GLIS3: variants seen among roughly 807,000 people sequenced by gnomAD.
GLIS3 encodes the protein zinc finger protein GLIS3.
GLIS3 carries 53 observed loss-of-function variants against 78.6 expected under a neutral mutation model. The observed-to-expected ratio is 0.67, with a 90% CI of 0.54 to 0.85. The LOEUF (loss-of-function observed/expected upper bound fraction) is 0.85. Ranked by LOEUF, GLIS3 falls within the 40% of genes least tolerant of loss-of-function variation. The probability of loss-of-function intolerance (pLI) is 0.00; values close to 1 mark genes in which losing one functional copy is unlikely to be tolerated. For missense variants in GLIS3, 1,703 were observed against 1,231.1 expected (o/e 1.38, Z -5.74); for synonymous variants, 684 against 509.9 (o/e 1.34, Z -4.60).
At chr9:4,174,133 G>A (rs528578667) in intron 2 of GLIS3, among the ~76,000 whole-genome samples, 52 of 152,182 alleles carry the variant, frequency 3.4e-4, no homozygotes, top group African/African-American at 1.2e-3. Flanking sequence ...AGGAGAAAAA[G>A]CAATTAAAAT....
intron 2 of GLIS3, among the ~76,000 whole-genome samples, chr9:4,189,970 G>A (rs899951699): frequency 6.6e-6 from 1 of 152,060 alleles, no homozygotes; most frequent in East Asian, 1.9e-4. Context: ...GCAGCTGAGG[G>A]TCCTGTCTGT....
chr9:4,167,479 G>C (rs945475408), intron 2 of GLIS3, among the ~76,000 whole-genome samples: 4 of 152,164 alleles, frequency 2.6e-5, no homozygotes, highest in African/African-American at 9.7e-5. Context: ...TGTGAGTCTA[G>C]CAGGCTCTGA....
At chr9:4,146,836 A>G (rs1435369232) in intron 2 of GLIS3, among the ~76,000 whole-genome samples, 1 of 152,204 alleles carries the variant, frequency 6.6e-6, no homozygotes, top group Non-Finnish European at 1.5e-5. Flanking sequence ...ATGCTACAAG[A>G]GCTATTCATT....
At chr9:4,400,076 G>C in the GLIS3 span, among the ~76,000 whole-genome samples, 1 of 152,196 alleles carries the variant, frequency 6.6e-6, no homozygotes, top group Admixed American at 6.5e-5. Context: ...GCCATGTAAC[G>C]AGTTTGCTCC....
intron 1 of GLIS3, among the ~76,000 whole-genome samples, chr9:4,289,719 G>C (rs1425350545): frequency 6.6e-6 from 1 of 152,092 alleles, no homozygotes; most frequent in Non-Finnish European, 1.5e-5. Context: ...TATAAATTAG[G>C]ATATTTTGGA....
At chr9:4,222,796 G>A (rs1384766332) in intron 2 of GLIS3, among the ~76,000 whole-genome samples, 1 of 152,188 alleles carries the variant, frequency 6.6e-6, no homozygotes, top group Non-Finnish European at 1.5e-5. Context: ...TTTAGCAAGT[G>A]CATATGTTTG....
chr9:4,181,948 T>C (rs750251850), intron 2 of GLIS3, among the ~76,000 whole-genome samples: 29 of 152,166 alleles, frequency 1.9e-4, no homozygotes, highest in Non-Finnish European at 3.1e-4. Context: ...ACCCACAGAA[T>C]TGTGAGAAAT....
At chr9:4,073,631 A>G (rs1205184896) in intron 4 of GLIS3, among the ~76,000 whole-genome samples, 3 of 152,074 alleles carry the variant, frequency 2.0e-5, no homozygotes, top group Non-Finnish European at 4.4e-5. Flanking sequence ...TTGCTGTCCT[A>G]TCATATTTCT....
chr9:4,414,614 G>A, the GLIS3 span, among the ~76,000 whole-genome samples: 2 of 152,080 alleles, frequency 1.3e-5, no homozygotes, highest in African/African-American at 4.8e-5. Flanking sequence ...AGACTTTTCA[G>A]AACTTTTTTG....
intron 4 of GLIS3, among the ~76,000 whole-genome samples, chr9:3,987,827 G>C (rs1329604631): frequency 2.4e-5 from 2 of 82,268 alleles, no homozygotes; most frequent in African/African-American, 4.8e-5. Flanking sequence ...AAAAAACAGT[G>C]AATCCAAACC....
intron 4 of GLIS3, among the ~76,000 whole-genome samples, chr9:4,014,343 T>A (rs1367686932): frequency 6.6e-6 from 1 of 152,174 alleles, no homozygotes; most frequent in African/African-American, 2.4e-5. Context: ...CCAAAGTTCA[T>A]GTCTACTGGG....
intron 2 of GLIS3, among the ~76,000 whole-genome samples, chr9:4,203,160 C>G (rs914473795): frequency 6.6e-6 from 1 of 152,110 alleles, no homozygotes; most frequent in East Asian, 1.9e-4. Flanking sequence ...AAAAAATGGG[C>G]ACAAAACATG....
At chr9:4,036,288 A>C (rs1824299589) in intron 4 of GLIS3, among the ~76,000 whole-genome samples, 1 of 151,148 alleles carries the variant, frequency 6.6e-6, no homozygotes, top group Non-Finnish European at 1.5e-5. Context: ...TTTTTCTCTC[A>C]GGCCTTGCCC....
chr9:4,296,349 G>A (rs1338439060), intron 1 of GLIS3, among the ~76,000 whole-genome samples: 1 of 151,136 alleles, frequency 6.6e-6, no homozygotes, highest in African/African-American at 2.4e-5. Flanking sequence ...ATGGCAGAAG[G>A]ACCACTTTCT....
At chr9:4,164,885 G>C (rs890577076) in intron 2 of GLIS3, among the ~76,000 whole-genome samples, 1 of 152,190 alleles carries the variant, frequency 6.6e-6, no homozygotes, top group Admixed American at 6.5e-5. Flanking sequence ...AAATAGCACT[G>C]TTTAAACCAA....
chr9:4,183,288 G>A (rs1286735303), intron 2 of GLIS3, among the ~76,000 whole-genome samples: 2 of 152,164 alleles, frequency 1.3e-5, no homozygotes, highest in Non-Finnish European at 2.9e-5. Flanking sequence ...TCAGCCATAA[G>A]AGTCCATGGT....
intron 2 of GLIS3, among the ~76,000 whole-genome samples, chr9:4,192,685 G>A (rs1818431309): frequency 1.3e-5 from 2 of 152,100 alleles, no homozygotes; most frequent in African/African-American, 4.8e-5. Context: ...GCCTACTTTA[G>A]CAGGGCCCTG....
the GLIS3 span, among the ~76,000 whole-genome samples, chr9:4,435,393 C>T: frequency 1.3e-5 from 2 of 152,254 alleles, no homozygotes; most frequent in South Asian, 2.1e-4. Flanking sequence ...GCAGAGTTTC[C>T]GGGAGCTTAG....
At chr9:4,105,919 T>C (rs1471142360) in intron 4 of GLIS3, among the ~76,000 whole-genome samples, 1 of 152,102 alleles carries the variant, frequency 6.6e-6, no homozygotes, top group Non-Finnish European at 1.5e-5. Flanking sequence ...AGTGGGTCAA[T>C]TCACTAGGCT....
Sources: gnomAD v4.1 joint callset for allele counts (sites outside exome capture counted in the v4.1 genomes callset) on GRCh38, gnomAD v4.1.1 for gene constraint, MANE v1.5 for transcripts, NCBI Gene and HGNC (gene_info 2026-07-23, HGNC 2026-07-21) for gene names.